Variants in SEMA3A observed in about 807,000 individuals in gnomAD.
SEMA3A encodes semaphorin-3A.
A neutral mutation model predicts 97.9 loss-of-function variants in SEMA3A; 29 were observed. The observed-to-expected ratio is 0.30, with a 90% confidence interval of 0.22 to 0.40. SEMA3A has a LOEUF of 0.40. SEMA3A is among the 10% of genes least tolerant of loss of function. The probability of loss-of-function intolerance (pLI) is 1.00; values close to 1 mark genes in which losing one functional copy is unlikely to be tolerated. For missense variants in SEMA3A, 763 were observed against 951.3 expected (o/e 0.80, Z 2.60); for synonymous variants, 321 against 323.7 (o/e 0.99, Z 0.09).
chr7:84,399,316 A>C (rs1803832941), intron 1 of SEMA3A, among the ~76,000 whole-genome samples: 1 of 152,152 alleles, frequency 6.6e-6, no homozygotes, highest in African/African-American at 2.4e-5. Context: ...TGGCTGACTA[A>C]AGTGACCTTG....
At chr7:84,026,851 G>A (rs1195497032) in intron 6 of SEMA3A, among the ~76,000 whole-genome samples, 1 of 152,076 alleles carries the variant, frequency 6.6e-6, no homozygotes, top group Admixed American at 6.6e-5. Context: ...CTTGAGGGTG[G>A]AGGGTGGGAA....
intron 1 of SEMA3A, among the ~76,000 whole-genome samples, chr7:84,419,637 G>C (rs1181893311): frequency 1.3e-5 from 2 of 152,076 alleles, no homozygotes; most frequent in Non-Finnish European, 2.9e-5. Flanking sequence ...AAGTGCCTAT[G>C]TACACTGGAG....
At chr7:84,448,824 AAAAAGCTCCAATACCC>A (rs1359312412) in intron 1 of SEMA3A, among the ~76,000 whole-genome samples, 1 of 152,146 alleles carries the variant, frequency 6.6e-6, no homozygotes, top group African/African-American at 2.4e-5. Context: ...TGAAAGCACA[AAAAAGCTCCAATACCC>A]AAAACAATCT....
chr7:84,047,424 G>T (rs1234102110), intron 5 of SEMA3A, among the ~76,000 whole-genome samples: 1 of 151,964 alleles, frequency 6.6e-6, no homozygotes, highest in Non-Finnish European at 1.5e-5. Context: ...TACAGTTCAA[G>T]AAATTCAAGG....
At chr7:84,318,296 G>C (rs1330054230) in intron 2 of SEMA3A, among the ~76,000 whole-genome samples, 1 of 145,048 alleles carries the variant, frequency 6.9e-6, no homozygotes, top group Non-Finnish European at 1.5e-5. Flanking sequence ...TTTGCAACTT[G>C]TGTGAATAAA....
At chr7:84,420,109 C>G (rs1003575771) in intron 1 of SEMA3A, among the ~76,000 whole-genome samples, 3 of 151,548 alleles carry the variant, frequency 2.0e-5, no homozygotes, top group African/African-American at 7.3e-5. Context: ...CCAGAATTTT[C>G]ATAGGATTCA....
chr7:84,212,956 C>T (rs1798665718), intron 3 of SEMA3A, among the ~76,000 whole-genome samples: 1 of 151,890 alleles, frequency 6.6e-6, no homozygotes, highest in Non-Finnish European at 1.5e-5. Context: ...GTCTCTCTTC[C>T]TTATTTCTTA....
intron 1 of SEMA3A, among the ~76,000 whole-genome samples, chr7:84,184,621 CTT>C (rs34241167): frequency 6.9e-6 from 1 of 145,744 alleles, no homozygotes. Flanking sequence ...GGGAGAAATC[CTT>C]TTTTTTTTTG....
chr7:84,246,692 A>G (rs1235821950), intron 3 of SEMA3A, among the ~76,000 whole-genome samples: 1 of 152,142 alleles, frequency 6.6e-6, no homozygotes, highest in Non-Finnish European at 1.5e-5. Flanking sequence ...TAAAATTTGA[A>G]TACTAGCATC....
chr7:84,202,452 T>C (rs1186119549), intron 3 of SEMA3A, among the ~76,000 whole-genome samples: 1 of 152,204 alleles, frequency 6.6e-6, no homozygotes, highest in Non-Finnish European at 1.5e-5. Context: ...GAAGCCTCTT[T>C]CTATTCTGTT....
At chr7:84,275,395 T>A (rs1053270787) in intron 3 of SEMA3A, among the ~76,000 whole-genome samples, 1 of 152,128 alleles carries the variant, frequency 6.6e-6, no homozygotes, top group Non-Finnish European at 1.5e-5. Flanking sequence ...ATTCACTTTG[T>A]ACTTTTAAGA....
At chr7:84,224,740 G>A (rs1264907720) in intron 3 of SEMA3A, among the ~76,000 whole-genome samples, 2 of 152,006 alleles carry the variant, frequency 1.3e-5, no homozygotes, top group Admixed American at 1.3e-4. Flanking sequence ...TGGGAAGTAG[G>A]TGTGATTTCA....
intron 4 of SEMA3A, among the ~76,000 whole-genome samples, chr7:84,107,850 G>A (rs976527866): frequency 5.3e-5 from 8 of 152,118 alleles, no homozygotes; most frequent in African/African-American, 1.9e-4. Context: ...CATCATGTAA[G>A]CCTCACATTT....
chr7:84,307,768 T>A (rs1260891930), intron 2 of SEMA3A, among the ~76,000 whole-genome samples: 3 of 152,110 alleles, frequency 2.0e-5, no homozygotes, highest in Non-Finnish European at 4.4e-5. Context: ...AGCTTTTCCT[T>A]TTTTTCTGGA....
In SEMA3A at chr7:84,014,263, T is replaced by C; in HGVS notation, c.756A>G (p.Ile252Met). 1 of 1,613,542 alleles carries C rather than the reference T, an allele frequency of 6.2e-7. No homozygotes were observed. The highest frequency in any genetic ancestry group is 8.5e-7 in the Non-Finnish European group (1 of 1,179,666). The change falls in exon 7 of 17, where the codon ATA becomes ATG. Residue 252 changes from isoleucine (I) to methionine (M), a missense_variant. By Grantham distance (10) the Ile-to-Met change is conservative. This residue lies in a region of SEMA3A where 678 missense variants were observed against 881.3 expected (regional missense o/e 0.77). Coordinates refer to ENST00000265362, the MANE Select transcript of SEMA3A (RefSeq NM_006080.3). ...KVYFFFRENAIDGEHSGKATH... is the reference protein window; with the variant it reads ...KVYFFFRENAMDGEHSGKATH... ...TAGCTTTTCCAGAGTGTTCTCCATC[T>C]ATTGCATTTTCACGGAAGAAAAAGT...
In SEMA3A at chr7:83,980,655, T is replaced by C. The variant is rs534897472; in HGVS notation, c.1652+666A>G. Among the ~76,000 whole-genome samples, 232 of 120,016 alleles carry C rather than the reference T, an allele frequency of 1.9e-3. 10 individuals carry two copies. The South Asian group carries it at 0.061, about 31-fold the overall frequency. 78.7% of individuals were successfully genotyped at this position (120,016 alleles called of 152,430 possible). On this transcript the variant is annotated intron_variant, in intron 14 of 16. Coordinates refer to ENST00000265362, the MANE Select transcript of SEMA3A (RefSeq NM_006080.3). Reference sequence around the variant, plus strand: ...ATATATATATACACACACACACACATATACATATATACACATATACATATA... The same window carrying C: ...ATATATATATACACACACACACACACATACATATATACACATATACATATA...
intron 2 of SEMA3A, among the ~76,000 whole-genome samples, chr7:84,133,760 C>G (rs749403599): frequency 5.4e-4 from 82 of 151,776 alleles, no homozygotes; most frequent in Admixed American, 1.2e-3. Flanking sequence ...AACTGTATAG[C>G]TTATAAAAGG....
chr7:84,424,721 T>A (rs1335565180), intron 1 of SEMA3A, among the ~76,000 whole-genome samples: 21 of 96,716 alleles, frequency 2.2e-4, no homozygotes, highest in African/African-American at 8.6e-4. Flanking sequence ...ATATATAAAT[T>A]ATTTATATAT....
chr7:84,165,082 C>A (rs1797159052), intron 1 of SEMA3A, among the ~76,000 whole-genome samples: 1 of 152,110 alleles, frequency 6.6e-6, no homozygotes, highest in South Asian at 2.1e-4. Context: ...GTGGCACGTG[C>A]CTGTAGTCTC....
Sources: allele counts gnomAD v4.1 joint callset (sites outside exome capture counted in the v4.1 genomes callset), GRCh38; gene constraint gnomAD v4.1.1; regional missense constraint gnomAD v4.1.1; transcripts MANE v1.5; gene names NCBI Gene and HGNC (gene_info 2026-07-23, HGNC 2026-07-21).